Variants in LTBP3 observed in about 807,000 individuals in gnomAD.
LTBP3 encodes latent transforming growth factor beta binding protein 3.
A neutral mutation model predicts 159.7 loss-of-function variants in LTBP3; 97 were observed. That is an observed-to-expected ratio of 0.61 (90% CI 0.52 to 0.72). LTBP3 has a LOEUF of 0.72. Among genes scored for constraint, LTBP3 ranks in the 30% least tolerant of loss-of-function variants. The probability of loss-of-function intolerance (pLI) is 0.00; values close to 1 mark genes in which losing one functional copy is unlikely to be tolerated. For missense variants in LTBP3, 1,584 were observed against 1,864.3 expected (o/e 0.85, Z 2.77); for synonymous variants, 824 against 777.1 (o/e 1.06, Z -1.00).
At chr11:65,542,381 C>CTTTTTTTTTT (rs775859883) in intron 18 of LTBP3, 5 of 91,962 alleles carry the variant, frequency 5.4e-5, no homozygotes, top group Non-Finnish European at 6.1e-5. Context: ...GCTCAATAAA[C>CTTTTTTTTTT]TTTTTTTTTT....
Position 65,552,424 on chromosome 11 carries a change from G to A in LTBP3, c.1187-18C>T. ...TTTGTCTGCTGCAGGGGCCAGTGGG[G>A]GGCATGGGCATCTGAGCCTGCACAT... On this transcript the variant is annotated intron_variant, in intron 6 of 27. Transcript: ENST00000301873. This position sits in a 1 kb window ranked among gnomAD's most constrained non-coding sequence, Gnocchi z 6.0. The A allele has an allele frequency of 6.2e-7, 1 of 1,611,034 alleles. No individual in the cohort carries two copies.
Position 65,558,069 on chromosome 11 carries a change from G to T in LTBP3, c.-110C>A. ...CCCGGGAGAGGGTAGGGGGCAGCGA[G>T]GGAGGGCAGCGGGGGAAGCGGGCGG... On this transcript the variant is annotated 5_prime_UTR_variant, in exon 1 of 28. Transcript: ENST00000301873. The T allele has an allele frequency of 9.4e-7, 1 of 1,069,354 alleles. No homozygotes were observed. Among genetic ancestry groups the T allele is most frequent in the Non-Finnish European group, 1.1e-6 (1 of 882,918 alleles). 66.2% of individuals were successfully genotyped at this position (1,069,354 alleles called of 1,614,324 possible). A position where few individuals can be genotyped will look rare whatever the true frequency, so the allele number is the denominator to read the frequency against.
intron 16 of LTBP3, chr11:65,543,857 G>C: frequency 2.3e-6 from 1 of 436,552 alleles, no homozygotes; most frequent in Non-Finnish European, 4.3e-6. Context: ...TTTTCCTCTG[G>C]GGATAAACTC....
rs1286042594 is a variant in LTBP3, at chr11:65,557,827, GC to G, written c.132del (p.Pro45ArgfsTer25). 8 of 1,462,020 alleles carry G rather than the reference GC, an allele frequency of 5.5e-6. No individual in the cohort carries two copies. Among genetic ancestry groups the G allele is most frequent in the African/African-American group, 2.9e-5 (2 of 68,580 alleles). 90.6% of individuals were successfully genotyped at this position (1,462,020 alleles called of 1,614,324 possible). A position where few individuals can be genotyped will look rare whatever the true frequency, so the allele number is the denominator to read the frequency against. On this transcript the variant is annotated frameshift_variant, in exon 1 of 28. Coordinates refer to ENST00000301873, the MANE Select transcript of LTBP3 (RefSeq NM_001130144.3). LOFTEE classifies it high-confidence loss of function. ...LLGLGGRVEG[G>X]PAGERGAGGG... ...CCGCCTGCGCCCCGCTCGCCGGCCG[GC>G]CCCCCCTCGACCCTGCCGCCCAGGC... is the stretch of plus-strand genomic sequence containing the variant.
rs1590783870 is a variant in LTBP3, at chr11:65,552,753, T to G, written c.1186+107A>C. On this transcript the variant is annotated intron_variant, in intron 6 of 27. Coordinates refer to ENST00000301873, the MANE Select transcript of LTBP3 (RefSeq NM_001130144.3). This position sits in a 1 kb window ranked among gnomAD's most constrained non-coding sequence, Gnocchi z 6.0. ...CTGATCCTATTGGCTCTGGGCCTTG[T>G]TCCTCCTGCAGTCAACCCTTAACCC... 4.6e-6 allele frequency: 7 copies of G among 1,535,576 alleles called. No homozygotes were observed. In the East Asian group the frequency reaches 1.6e-4, roughly 35 times the overall value.
rs1856412706 is a variant in LTBP3 at position 65,547,285 on chromosome 11, A to G, written c.2107+154T>C. Among the ~76,000 whole-genome samples, 1 of 151,696 alleles carries G rather than the reference A, an allele frequency of 6.6e-6. No homozygotes were observed. The highest frequency in any genetic ancestry group is 1.5e-5 in the Non-Finnish European group (1 of 67,922). On this transcript the variant is annotated intron_variant, in intron 14 of 27. Transcript: ENST00000301873. The surrounding 1 kb of genome is among the most constrained non-coding windows in gnomAD (Gnocchi z 4.6). Reference sequence around the variant, plus strand: ...CTTGAACCCGGGAGGCGGAGGTTGCAGTGAGCCAAGATCTCACCACCGCAC... The same window carrying G: ...CTTGAACCCGGGAGGCGGAGGTTGCGGTGAGCCAAGATCTCACCACCGCAC...
rs1329222898 is a variant in LTBP3, at chr11:65,539,631, G to A, written c.3548-3C>T. On this transcript the variant is annotated splice_polypyrimidine_tract_variant and splice_region_variant and intron_variant, in intron 25 of 27. Coordinates refer to ENST00000301873, the MANE Select transcript of LTBP3 (RefSeq NM_001130144.3). Reference sequence around the variant, plus strand: ...CTGCGATGTCGGGCAATGGGACCCTGGGAGGAGCAGAACTGGTCAGCGACG... The same window carrying A: ...CTGCGATGTCGGGCAATGGGACCCTAGGAGGAGCAGAACTGGTCAGCGACG... The A allele has an allele frequency of 6.2e-7, 1 of 1,609,264 alleles. No individual in the cohort carries two copies.
At chr11:65,549,808 C>T (rs956720856) in intron 11 of LTBP3, among the ~76,000 whole-genome samples, 1 of 149,062 alleles carries the variant, frequency 6.7e-6, no homozygotes, top group African/African-American at 2.5e-5. Context: ...GTAATCCTGG[C>T]ACTTTGGGAG....
rs1470629566 is a variant in LTBP3, at chr11:65,546,272, A to T, written c.2353+170T>A. 4.8e-6 allele frequency: 4 copies of T among 839,354 alleles called. No homozygotes were observed. The East Asian group carries it at 1.2e-4, about 25-fold the overall frequency. 52.0% of individuals were successfully genotyped at this position (839,354 alleles called of 1,614,324 possible). ...TACCCCGAGACCCTTCCTACGTGGAAATTCTAGTGGTGCCTTCCTTGGCAA... is the reference window on the plus strand; with the variant it reads ...TACCCCGAGACCCTTCCTACGTGGATATTCTAGTGGTGCCTTCCTTGGCAA... On this transcript the variant is annotated intron_variant, in intron 16 of 27. Transcript: ENST00000301873. This position sits in a 1 kb window ranked among gnomAD's most constrained non-coding sequence, Gnocchi z 4.0.
chr11:65,549,872 G>T (rs971724587), intron 11 of LTBP3, among the ~76,000 whole-genome samples: 2 of 151,506 alleles, frequency 1.3e-5, no homozygotes, highest in South Asian at 4.2e-4. Flanking sequence ...AGTGAGCCAT[G>T]ATCCTGCCAC....
intron 19 of LTBP3, 85 bp downstream of exon 19, chr11:65,541,511 AGGAG>A: frequency 6.3e-7 from 1 of 1,597,746 alleles, no homozygotes; most frequent in East Asian, 2.2e-5. Context: ...CCCCAAATTT[AGGAG>A]GGTGGGGCCA....
Position 65,553,898 on chromosome 11 carries a change from C to T in LTBP3, c.667G>A (p.Ala223Thr). 1 of 1,544,350 alleles carries T rather than the reference C, an allele frequency of 6.5e-7. No individual in the cohort carries two copies. The highest frequency in any genetic ancestry group is 8.7e-7 in the Non-Finnish European group (1 of 1,150,032). ...CGCACATTCACCACGGGGGGCGGGG[C>T]CTGCACTGGGGGCGGGCGCGGTGGC... ...GPGQISAEVQAPPPVVNVRVH... is the reference protein window; with the variant it reads ...GPGQISAEVQTPPPVVNVRVH... Residue 223 changes from alanine (A) to threonine (T), a missense_variant, in exon 3 of 28, where the codon GCC (alanine) becomes ACC (threonine). Coordinates refer to ENST00000301873, the MANE Select transcript of LTBP3 (RefSeq NM_001130144.3). The surrounding 1 kb of genome is among the most constrained non-coding windows in gnomAD (Gnocchi z 6.5).
chr11:65,557,671 C>A lies in LTBP3; in HGVS notation c.289G>T (p.Gly97Cys). The A allele has an allele frequency of 6.2e-7, 1 of 1,611,096 alleles. No homozygotes were observed. Among genetic ancestry groups the A allele is most frequent in the Non-Finnish European group, 8.5e-7 (1 of 1,179,882 alleles). Reference protein sequence around the residue: ...GSNMTLIGENGHSTDTLTGSG... With the variant: ...GSNMTLIGENCHSTDTLTGSG... ...CCCGTGAGCGTGTCTGTGCTGTGGCCGTTCTCTCCGATGAGCGTCATGTTG... is the reference window on the plus strand; with the variant it reads ...CCCGTGAGCGTGTCTGTGCTGTGGCAGTTCTCTCCGATGAGCGTCATGTTG... Residue 97 changes from glycine to cysteine, a missense_variant, in exon 1 of 28, where the codon GGC (glycine) becomes TGC (cysteine). Gly to Cys is a radical substitution (Grantham distance 159, BLOSUM62 -3). Transcript: ENST00000301873.
chr11:65,556,187 C>A (rs1856806927), intron 1 of LTBP3, among the ~76,000 whole-genome samples: 1 of 152,154 alleles, frequency 6.6e-6, no homozygotes, highest in Non-Finnish European at 1.5e-5. Flanking sequence ...TCTTGTCACA[C>A]ACACACAGAG....
rs1260013713 is a variant in LTBP3, at chr11:65,554,517, C to T, written c.332-137G>A. 7.7e-6 allele frequency: 5 copies of T among 653,462 alleles called. No individual in the cohort carries two copies. The Admixed American group carries it at 8.6e-5, about 11-fold the overall frequency. 40.5% of individuals were successfully genotyped at this position (653,462 alleles called of 1,614,324 possible). A position where few individuals can be genotyped will look rare whatever the true frequency, so the allele number is the denominator to read the frequency against. On this transcript the variant is annotated intron_variant, in intron 1 of 27. Coordinates refer to ENST00000301873, the MANE Select transcript of LTBP3 (RefSeq NM_001130144.3). The surrounding 1 kb of genome is among the most constrained non-coding windows in gnomAD (Gnocchi z 5.3). Reference sequence around the variant, plus strand: ...ACATCCTACATAGGGAAACTGCCCTCTCTAGGTTCCCCAACATCCTTACAC... The same window carrying T: ...ACATCCTACATAGGGAAACTGCCCTTTCTAGGTTCCCCAACATCCTTACAC...
Position 65,546,159 on chromosome 11 carries a change from G to T in LTBP3, c.2353+283C>A, listed in dbSNP as rs939251184. ...TGGCGTATAATAAACAGGAGTGCAG[G>T]GGGGAGTACTATCGTCTGCCCTCAT... On this transcript the variant is annotated intron_variant, in intron 16 of 27. Transcript: ENST00000301873. This position sits in a 1 kb window ranked among gnomAD's most constrained non-coding sequence, Gnocchi z 4.0. The T allele has an allele frequency of 6.3e-6, 3 of 475,204 alleles. No individual in the cohort carries two copies. The highest frequency in any genetic ancestry group is 2.5e-5 in the South Asian group (1 of 40,476). The allele number at this position is 475,204 out of a possible 1,614,324, so 29.4% of individuals were successfully genotyped here.
rs996026615 is a variant in LTBP3 at position 65,543,651 on chromosome 11, C to A, written c.2354-102G>T. The stretch of plus-strand genomic sequence containing the variant: ...ATGGCCTGGAGCACCAGAGCTGAGG[C>A]CAGCAGCACTCAGAAGCACAGGCCT... On this transcript the variant is annotated intron_variant, in intron 16 of 27. Transcript: ENST00000301873. 5.0e-5 allele frequency: 73 copies of A among 1,473,178 alleles called. No individual in the cohort carries two copies. In the African/African-American group the frequency reaches 8.6e-4, roughly 17 times the overall value. 91.3% of individuals were successfully genotyped at this position (1,473,178 alleles called of 1,614,324 possible). A position where few individuals can be genotyped will look rare whatever the true frequency, so the allele number is the denominator to read the frequency against.
In LTBP3 at chr11:65,557,948, G is replaced by C; in HGVS notation, c.12C>G (p.Pro4=). Residue 4 remains proline, a synonymous_variant, in exon 1 of 28, where the codon CCC becomes CCG. Coordinates refer to ENST00000301873, the MANE Select transcript of LTBP3 (RefSeq NM_001130144.3). MPG[P]RGAAGGLAPE... ...GGGCCAGGCCGCCAGCAGCCCCTCG[G>C]GGCCCGGGCATCCGGGGCCGCAGGA... The C allele has an allele frequency of 8.5e-7, 1 of 1,173,726 alleles. No homozygotes were observed. The highest frequency in any genetic ancestry group is 1.1e-6 in the Non-Finnish European group (1 of 951,880). 72.7% of individuals were successfully genotyped at this position (1,173,726 alleles called of 1,614,324 possible).
In LTBP3 at chr11:65,558,120, A is replaced by G; in HGVS notation, c.-161T>C. ...GAGGGGACCGCGGGGGCCCGGCGGG[A>G]GGCGCGGAGATGCAGACTGGACAGC... On this transcript the variant is annotated 5_prime_UTR_variant, in exon 1 of 28. Transcript: ENST00000301873. 1 of 1,079,358 alleles carries G rather than the reference A, an allele frequency of 9.3e-7. No homozygotes were observed. Among genetic ancestry groups the G allele is most frequent in the Non-Finnish European group, 1.1e-6 (1 of 889,662 alleles). 66.9% of individuals were successfully genotyped at this position (1,079,358 alleles called of 1,614,324 possible). A position where few individuals can be genotyped will look rare whatever the true frequency, so the allele number is the denominator to read the frequency against.
Sources: allele counts gnomAD v4.1 joint callset (sites outside exome capture counted in the v4.1 genomes callset), GRCh38; gene constraint gnomAD v4.1.1; non-coding constraint Gnocchi (gnomAD v3.1); transcripts MANE v1.5; gene names NCBI Gene and HGNC (gene_info 2026-07-23, HGNC 2026-07-21).